Variants in C8orf34 observed in about 807,000 individuals in gnomAD.
C8orf34 encodes chromosome 8 open reading frame 34, also known as uncharacterized protein C8orf34.
C8orf34 carries 65 observed loss-of-function variants against 68.3 expected under a neutral mutation model. The observed-to-expected ratio is 0.95, with a 90% confidence interval of 0.78 to 1.17. The LOEUF (loss-of-function observed/expected upper bound fraction) is 1.17, where lower values mean the gene tolerates loss of function less well. Ranked by LOEUF, C8orf34 falls within the 50% of genes most tolerant of loss-of-function variation. The pLI is 0.00. For missense variants in C8orf34, 664 were observed against 655.4 expected (o/e 1.01, Z -0.14); for synonymous variants, 244 against 241.2 (o/e 1.01, Z -0.11).
chr8:68,442,210 T>C (rs183121025), intron 2 of C8orf34, among the ~76,000 whole-genome samples: 5 of 152,022 alleles, frequency 3.3e-5, no homozygotes, highest in South Asian at 4.2e-4. Flanking sequence ...ATAGGGAAGA[T>C]TGAAGTAAGG....
chr8:68,541,499 G>C (rs564974853), intron 7 of C8orf34, among the ~76,000 whole-genome samples: 2 of 152,014 alleles, frequency 1.3e-5, no homozygotes, highest in East Asian at 3.9e-4. Flanking sequence ...TAGAGATAGA[G>C]AAAAGACTTG....
chr8:68,353,875 G>C (rs912276497), intron 1 of C8orf34, among the ~76,000 whole-genome samples: 4 of 151,808 alleles, frequency 2.6e-5, no homozygotes, highest in African/African-American at 4.8e-5. Context: ...GATGTGCATA[G>C]TTTATATGCA....
chr8:68,595,707 T>C (rs1055631327), intron 7 of C8orf34, among the ~76,000 whole-genome samples: 13 of 152,136 alleles, frequency 8.5e-5, no homozygotes, highest in Non-Finnish European at 1.8e-4. Context: ...GAGACATCTA[T>C]CATACAGAAA....
intron 8 of C8orf34, among the ~76,000 whole-genome samples, chr8:68,707,727 C>A (rs1821211502): frequency 6.6e-6 from 1 of 152,042 alleles, no homozygotes; most frequent in Admixed American, 6.6e-5. Flanking sequence ...AGGAGTGAGC[C>A]ACCACACCTG....
chr8:68,378,578 G>C (rs2129620087), intron 1 of C8orf34, among the ~76,000 whole-genome samples: 1 of 152,264 alleles, frequency 6.6e-6, no homozygotes, highest in African/African-American at 2.4e-5. Flanking sequence ...GTGAGCCACT[G>C]TGTGTGGCCC....
intron 9 of C8orf34, among the ~76,000 whole-genome samples, chr8:68,714,292 G>T (rs145453862): frequency 6.6e-6 from 1 of 152,224 alleles, no homozygotes; most frequent in East Asian, 1.9e-4. Context: ...AGCCAGAGCA[G>T]TCTGACAAGA....
chr8:68,651,266 CTA>C (rs1819350200), intron 8 of C8orf34, among the ~76,000 whole-genome samples: 1 of 152,130 alleles, frequency 6.6e-6, no homozygotes, highest in Admixed American at 6.5e-5. Flanking sequence ...GGTGATCTTC[CTA>C]GTCACAGCAG....
At chr8:68,626,944 A>C (rs1411269240) in intron 7 of C8orf34, among the ~76,000 whole-genome samples, 1 of 152,120 alleles carries the variant, frequency 6.6e-6, no homozygotes, top group Non-Finnish European at 1.5e-5. Context: ...CTCAAGAAAT[A>C]TTAAATATAT....
At chr8:68,813,352 T>G (rs1420404346) in intron 12 of C8orf34, among the ~76,000 whole-genome samples, 1 of 151,986 alleles carries the variant, frequency 6.6e-6, no homozygotes, top group Non-Finnish European at 1.5e-5. Flanking sequence ...TTCAGAAACT[T>G]GAAATCAGAT....
intron 5 of C8orf34, among the ~76,000 whole-genome samples, chr8:68,490,639 T>G (rs1813271086): frequency 6.6e-6 from 1 of 152,188 alleles, no homozygotes; most frequent in Admixed American, 6.5e-5. Context: ...TTTATTATTT[T>G]TCATTTTTAT....
At chr8:68,471,629 G>C (rs925816520) in intron 4 of C8orf34, among the ~76,000 whole-genome samples, 2 of 152,018 alleles carry the variant, frequency 1.3e-5, no homozygotes, top group African/African-American at 4.8e-5. Context: ...GGAAGACATA[G>C]GGGATGGGAT....
chr8:68,677,059 T>G (rs1820213379), intron 8 of C8orf34, among the ~76,000 whole-genome samples: 2 of 152,116 alleles, frequency 1.3e-5, no homozygotes, highest in Non-Finnish European at 2.9e-5. Context: ...GAGATATGGG[T>G]TGGGACACAG....
chr8:68,335,273 G>A (rs549289052), intron 1 of C8orf34, among the ~76,000 whole-genome samples: 3 of 152,170 alleles, frequency 2.0e-5, no homozygotes, highest in African/African-American at 7.2e-5. Flanking sequence ...ATAATTTGTC[G>A]TTAATAAAGG....
chr8:68,466,040 TA>T (rs55695871), intron 3 of C8orf34, among the ~76,000 whole-genome samples: 1 of 147,432 alleles, frequency 6.8e-6, no homozygotes, highest in African/African-American at 2.5e-5. Context: ...TTTGGTCATT[TA>T]AAAAAAAAAA....
chr8:68,677,366 T>G (rs1820224198), intron 8 of C8orf34, among the ~76,000 whole-genome samples: 1 of 152,114 alleles, frequency 6.6e-6, no homozygotes, highest in Admixed American at 6.6e-5. Flanking sequence ...CATCTTTTTT[T>G]TTCTTTTTTT....
At chr8:68,799,038 G>A (rs931977592) in intron 12 of C8orf34, among the ~76,000 whole-genome samples, 18 of 152,142 alleles carry the variant, frequency 1.2e-4, no homozygotes, top group African/African-American at 3.1e-4. Context: ...AGAGAAGGCT[G>A]TATTTAAACA....
At chr8:68,612,020 A>C (rs1409587282) in intron 7 of C8orf34, among the ~76,000 whole-genome samples, 2 of 152,112 alleles carry the variant, frequency 1.3e-5, no homozygotes, top group Non-Finnish European at 2.9e-5. Context: ...CAGAAAATCA[A>C]ACTTGTGAAA....
chr8:68,559,709 A>G (rs542968762), intron 7 of C8orf34, among the ~76,000 whole-genome samples: 1 of 152,304 alleles, frequency 6.6e-6, no homozygotes, highest in South Asian at 2.1e-4. Context: ...AAATCTGAAC[A>G]TGATGTAGGT....
At chr8:68,792,632 C>A (rs917591957) in intron 12 of C8orf34, 1 of 138,188 alleles carries the variant, frequency 7.2e-6, no homozygotes, top group Admixed American at 7.2e-5. Context: ...GAAAAGGAAC[C>A]ATACTGAAAG....
Sources: allele counts gnomAD v4.1 joint callset (sites outside exome capture counted in the v4.1 genomes callset), GRCh38; gene constraint gnomAD v4.1.1; transcripts MANE v1.5; gene names NCBI Gene and HGNC (gene_info 2026-07-23, HGNC 2026-07-21).